DDX31: variants seen among roughly 807,000 people sequenced by gnomAD.
The protein encoded by DDX31 is ATP-dependent DNA helicase DDX31.
In DDX31, 70 loss-of-function variants were observed where a neutral mutation model predicts 91.3. The observed-to-expected ratio is 0.77, with a 90% CI of 0.63 to 0.94. The LOEUF (loss-of-function observed/expected upper bound fraction) is 0.94. DDX31 is among the 40% of genes least tolerant of loss of function. DDX31 has a pLI of 0.00. For missense variants in DDX31, 902 were observed against 925.0 expected, an observed-to-expected ratio of 0.98 and a Z score of 0.32; for synonymous variants, 362 against 350.6, an observed-to-expected ratio of 1.03 and a Z score of -0.36.
At chr9:132,657,895 G>A (rs1834672714) in intron 6 of DDX31, among the ~76,000 whole-genome samples, 1 of 152,178 alleles carries the variant, frequency 6.6e-6, no homozygotes, top group African/African-American at 2.4e-5. Context: ...CAAAAATGAG[G>A]TAGCCCAATT....
chr9:132,646,213 A>C, intron 12 of DDX31, 142 bp from the exon 13 acceptor site: 2 of 878,138 alleles, frequency 2.3e-6, no homozygotes, highest in South Asian at 3.9e-5. Flanking sequence ...AAAAAAACAA[A>C]AACAAAAACA....
chr9:132,637,173 G>A (rs1159903299), intron 14 of DDX31, among the ~76,000 whole-genome samples: 1 of 152,028 alleles, frequency 6.6e-6, no homozygotes, highest in African/African-American at 2.4e-5. Context: ...GAGGTCCCAG[G>A]GAAACAGCAG....
At position 132,611,558 on chromosome 9, in the gene DDX31, CA is replaced by C. The variant is rs113094071; in HGVS notation, c.1994+528del. Among the ~76,000 whole-genome samples, 71 of 152,304 alleles carry C rather than the reference CA, an allele frequency of 4.7e-4. 1 individual carries two copies. The highest frequency in any genetic ancestry group is 1.7e-3 in the African/African-American group (71 of 41,564). Reference sequence around the variant, plus strand: ...CCAGGACCTCTGGACAAGTCCTGAACATGCTCTTTTTGGGAGGAAAGGGCTC... The same window carrying C: ...CCAGGACCTCTGGACAAGTCCTGAACTGCTCTTTTTGGGAGGAAAGGGCTC... On this transcript the variant is annotated intron_variant, in intron 19 of 19. Transcript: ENST00000372159.
At chr9:132,627,356 G>A (rs936351734) in intron 16 of DDX31, among the ~76,000 whole-genome samples, 7 of 152,104 alleles carry the variant, frequency 4.6e-5, no homozygotes, top group Admixed American at 6.5e-5. Flanking sequence ...GAGAGGGAAC[G>A]GGAGTGATTT....
chr9:132,600,536 A>C (rs1830667868), intron 19 of DDX31, among the ~76,000 whole-genome samples: 1 of 152,222 alleles, frequency 6.6e-6, no homozygotes, highest in African/African-American at 2.4e-5. Flanking sequence ...ACAGACCACA[A>C]CTGAGAAAAA....
intron 6 of DDX31, among the ~76,000 whole-genome samples, chr9:132,653,763 T>C (rs1834369455): frequency 6.6e-6 from 1 of 152,024 alleles, no homozygotes; most frequent in Admixed American, 6.6e-5. Context: ...CGTAATGTGA[T>C]GCTAATAAAA....
At chr9:132,645,767 T>C (rs1350922476) in intron 13 of DDX31, 128 bp downstream of exon 13, 1 of 1,025,834 alleles carries the variant, frequency 9.7e-7, no homozygotes, top group Non-Finnish European at 1.4e-6. Flanking sequence ...ATTCTTGACT[T>C]GCCCAGTGGA....
chr9:132,620,861 A>G (rs2119395247), intron 17 of DDX31, among the ~76,000 whole-genome samples: 1 of 152,316 alleles, frequency 6.6e-6, no homozygotes, highest in Admixed American at 6.5e-5. Context: ...CAGAGTCAGT[A>G]CTGGTTAATG....
chr9:132,644,358 T>C (rs1833684520), intron 13 of DDX31, among the ~76,000 whole-genome samples: 2 of 152,218 alleles, frequency 1.3e-5, no homozygotes, highest in African/African-American at 4.8e-5. Context: ...CTAGGCCCTG[T>C]ACGGAGGGCT....
intron 1 of DDX31, chr9:132,663,074 G>T: frequency 1.1e-6 from 1 of 874,936 alleles, no homozygotes; most frequent in Non-Finnish European, 1.6e-6. Flanking sequence ...ATATTCCTAG[G>T]AACCCATTCA....
chr9:132,636,588 G>A (rs773911511), intron 14 of DDX31, among the ~76,000 whole-genome samples: 9 of 152,316 alleles, frequency 5.9e-5, no homozygotes, highest in Non-Finnish European at 1.0e-4. Context: ...AGTGATGAAG[G>A]GCGCCAGCAG....
intron 14 of DDX31, among the ~76,000 whole-genome samples, chr9:132,640,931 TG>T (rs1170558095): frequency 2.0e-5 from 3 of 152,186 alleles, no homozygotes; most frequent in African/African-American, 7.2e-5. Flanking sequence ...GGGAAGGACT[TG>T]GTCAGACACA....
chr9:132,623,044 C>T (rs1170642834), intron 17 of DDX31, among the ~76,000 whole-genome samples: 1 of 150,350 alleles, frequency 6.7e-6, no homozygotes, highest in African/African-American at 2.5e-5. Context: ...GCAGGAGAAT[C>T]GGTGGAACCC....
At chr9:132,612,312 A>C in intron 18 of DDX31, 57 bp from the exon 19 acceptor site, 1 of 1,604,106 alleles carries the variant, frequency 6.2e-7, no homozygotes, top group Non-Finnish European at 8.5e-7. Flanking sequence ...CCAAGCTCCA[A>C]AGTGCCCGGC....
intron 14 of DDX31, among the ~76,000 whole-genome samples, 175 bp from the exon 15 acceptor site, chr9:132,632,266 A>ACACACACACACAGTCCTG (rs1832822420): frequency 7.1e-6 from 1 of 141,602 alleles, no homozygotes; most frequent in Non-Finnish European, 1.5e-5. Flanking sequence ...ACACACACAC[A>ACACACACACACAGTCCTG]CACACACACA....
chr9:132,639,401 T>C (rs1164293418), intron 14 of DDX31, among the ~76,000 whole-genome samples: 5 of 152,086 alleles, frequency 3.3e-5, no homozygotes, highest in Non-Finnish European at 5.9e-5. Flanking sequence ...TGACCTGGAC[T>C]AGAAAATGAA....
intron 17 of DDX31, among the ~76,000 whole-genome samples, chr9:132,623,562 A>AG (rs1832190747): frequency 1.3e-5 from 2 of 150,582 alleles, no homozygotes; most frequent in African/African-American, 4.9e-5. Flanking sequence ...AAAAAAAAAA[A>AG]AAAAAAGAAA....
At chr9:132,619,393 C>A (rs1831855415) in intron 17 of DDX31, among the ~76,000 whole-genome samples, 2 of 152,114 alleles carry the variant, frequency 1.3e-5, no homozygotes, top group African/African-American at 2.4e-5. Flanking sequence ...CTGGTGTGAA[C>A]CCCCGGGGAA....
At chr9:132,654,945 CAAA>C (rs140953433) in intron 6 of DDX31, among the ~76,000 whole-genome samples, 6 of 90,222 alleles carry the variant, frequency 6.7e-5, no homozygotes, top group Admixed American at 1.2e-4. Flanking sequence ...GACTCTGTCT[CAAA>C]AAAAAAAAAA....
Sources: allele counts gnomAD v4.1 joint callset (sites outside exome capture counted in the v4.1 genomes callset), GRCh38; gene constraint gnomAD v4.1.1; transcripts MANE v1.5; gene names NCBI Gene and HGNC (gene_info 2026-07-23, HGNC 2026-07-21).